The following DYNLT2 variants were observed in gnomAD, a reference collection of about 807,000 sequenced individuals.
The protein encoded by DYNLT2 is dynein light chain Tctex-type protein 2.
A neutral mutation model predicts 24.3 loss-of-function variants in DYNLT2; 24 were observed. The ratio of observed to expected loss-of-function variants is 0.99; its 90% CI spans 0.71 to 1.39. DYNLT2 has a LOEUF of 1.39. Ranked by LOEUF, DYNLT2 falls within the 40% of genes most tolerant of loss-of-function variation. DYNLT2 has a pLI of 0.00. For synonymous variants in DYNLT2, 85 were observed against 85.4 expected (o/e 1.00, Z 0.03); for missense variants, 246 against 234.5 (o/e 1.05, Z -0.32).
At chr6:169,734,419 T>C in the DYNLT2 span, among the ~76,000 whole-genome samples, 1 of 152,188 alleles carries the variant, frequency 6.6e-6, no homozygotes, top group Non-Finnish European at 1.5e-5. Flanking sequence ...TGGCTGTGGT[T>C]TTGTCATAAA....
At chr6:169,728,140 A>G in the DYNLT2 span, among the ~76,000 whole-genome samples, 4 of 152,214 alleles carry the variant, frequency 2.6e-5, no homozygotes, top group South Asian at 8.3e-4. Flanking sequence ...AATGGGGTTC[A>G]TTCAGGAAGG....
intron 1 of DYNLT2, among the ~76,000 whole-genome samples, chr6:169,746,936 A>C (rs1299763615): frequency 1.3e-5 from 2 of 149,982 alleles, no homozygotes; most frequent in Non-Finnish European, 3.0e-5. Flanking sequence ...CACAGAGCAA[A>C]CTGCTGCTTG....
At chr6:169,729,248 G>T in the DYNLT2 span, among the ~76,000 whole-genome samples, 1 of 152,114 alleles carries the variant, frequency 6.6e-6, no homozygotes, top group African/African-American at 2.4e-5. Context: ...AACTTACCTT[G>T]TTTTTTCTAC....
At chr6:169,740,556 G>T (rs1470319106) in intron 3 of DYNLT2, among the ~76,000 whole-genome samples, 2 of 152,110 alleles carry the variant, frequency 1.3e-5, no homozygotes, top group Non-Finnish European at 2.9e-5. Flanking sequence ...GGAGCAGAAG[G>T]CCCCTGGGAA....
chr6:169,739,548 T>G (rs540262184), downstream of DYNLT2, among the ~76,000 whole-genome samples: 2 of 152,222 alleles, frequency 1.3e-5, no homozygotes, highest in Admixed American at 1.3e-4. Flanking sequence ...GAAATAAAAT[T>G]TTCCTCATTT....
chr6:169,729,925 A>T, the DYNLT2 span, among the ~76,000 whole-genome samples: 2 of 152,150 alleles, frequency 1.3e-5, no homozygotes, highest in African/African-American at 4.8e-5. Flanking sequence ...TATTTGTTTA[A>T]GCAACCCAGT....
chr6:169,751,334 C>T lies in DYNLT2; in HGVS notation c.120+5G>A. ...TCTCGGGCCCCTAGCAGTCTCCGCA[C>T]TCACTGCCTCCTTCTCGAACATGCT... On this transcript the variant is annotated splice_donor_5th_base_variant and intron_variant, in intron 1 of 3. Transcript: ENST00000366774. 6.2e-7 allele frequency: 1 copy of T among 1,613,454 alleles called. No homozygotes were observed. The highest frequency in any genetic ancestry group is 8.5e-7 in the Non-Finnish European group (1 of 1,179,744).
In DYNLT2 at chr6:169,751,558, C is replaced by A. The variant is rs1025109634; in HGVS notation, c.-100G>T. On this transcript the variant is annotated 5_prime_UTR_variant, in exon 1 of 4. Transcript: ENST00000366774. ...GGGCGGAAGTCTCCCACCTGCGCCT[C>A]GTACGGTAGGAAGTGCCCGCCAGGG... is the stretch of plus-strand genomic sequence containing the variant. 63 of 1,609,876 alleles carry A rather than the reference C, an allele frequency of 3.9e-5. No individual in the cohort carries two copies. Among genetic ancestry groups the A allele is most frequent in the Admixed American group, 2.4e-4 (14 of 59,288 alleles).
intron 1 of DYNLT2, among the ~76,000 whole-genome samples, chr6:169,747,987 C>T (rs1789848465): frequency 1.3e-5 from 2 of 152,312 alleles, no homozygotes; most frequent in Non-Finnish European, 2.9e-5. Flanking sequence ...GATCAGAGAA[C>T]TTGTTCTCTA....
Position 169,751,554 on chromosome 6 carries a change from GC to G in DYNLT2, c.-97del. The G allele has an allele frequency of 1.9e-6, 3 of 1,610,296 alleles. No homozygotes were observed. In the South Asian group the frequency reaches 3.3e-5, roughly 18 times the overall value. On this transcript the variant is annotated 5_prime_UTR_variant, in exon 1 of 4. Transcript: ENST00000366774. ...GCGAGGGCGGAAGTCTCCCACCTGC[GC>G]CTCGTACGGTAGGAAGTGCCCGCCA...
intron 1 of DYNLT2, among the ~76,000 whole-genome samples, chr6:169,747,522 A>T (rs970693657): frequency 1.3e-5 from 2 of 152,076 alleles, no homozygotes; most frequent in African/African-American, 4.8e-5. Context: ...CCACATCTCT[A>T]AATGTCCTTT....
the DYNLT2 span, among the ~76,000 whole-genome samples, chr6:169,734,924 T>G: frequency 6.6e-6 from 1 of 152,160 alleles, no homozygotes; most frequent in Non-Finnish European, 1.5e-5. Context: ...GCCCTGGGCT[T>G]TTTTTGGTTG....
At chr6:169,745,124 G>C (rs1486679643) in intron 1 of DYNLT2, among the ~76,000 whole-genome samples, 1 of 150,884 alleles carries the variant, frequency 6.6e-6, no homozygotes, top group East Asian at 2.0e-4. Context: ...AGACAGTCTT[G>C]CTCAGTCGCC....
chr6:169,728,133 G>A, the DYNLT2 span, among the ~76,000 whole-genome samples: 3 of 152,204 alleles, frequency 2.0e-5, no homozygotes, highest in African/African-American at 7.2e-5. Flanking sequence ...AGTGGATAAT[G>A]GGGTTCATTC....
the DYNLT2 span, among the ~76,000 whole-genome samples, chr6:169,728,241 A>C: frequency 6.6e-6 from 1 of 152,222 alleles, no homozygotes; most frequent in African/African-American, 2.4e-5. Flanking sequence ...TAAGCTGGAC[A>C]AGGTAGGAAA....
At chr6:169,732,317 C>A in the DYNLT2 span, among the ~76,000 whole-genome samples, 1 of 152,084 alleles carries the variant, frequency 6.6e-6, no homozygotes, top group Non-Finnish European at 1.5e-5. Flanking sequence ...ATCAAAATAT[C>A]TTTTTATTTC....
In DYNLT2 at chr6:169,743,151, C is replaced by A. The variant is rs772906220; in HGVS notation, c.415G>T (p.Glu139Ter). ...AACTTATAACGGTGGTACCCAAATT[C>A]TTTGACTGCTAACAGTATGCGGTCT... is the stretch of plus-strand genomic sequence containing the variant. ...LADRILLAVKEFGYHRYKFII... is the reference protein window; with the variant it reads ...LADRILLAVK Residue 139 changes from glutamate (E) to a stop codon, truncating the protein, a stop_gained, in exon 3 of 4, where the codon GAA becomes TAA. Transcript: ENST00000366774. LOFTEE classifies it high-confidence loss of function. The A allele has an allele frequency of 3.2e-6, 5 of 1,579,754 alleles. No homozygotes were observed. Among genetic ancestry groups the A allele is most frequent in the Non-Finnish European group, 3.5e-6 (4 of 1,157,494 alleles).
chr6:169,729,086 C>T, the DYNLT2 span, among the ~76,000 whole-genome samples: 1 of 152,126 alleles, frequency 6.6e-6, no homozygotes, highest in African/African-American at 2.4e-5. Flanking sequence ...ACAAGACAAC[C>T]AACTTCAACA....
At chr6:169,746,544 T>C (rs1789803769) in intron 1 of DYNLT2, among the ~76,000 whole-genome samples, 1 of 152,214 alleles carries the variant, frequency 6.6e-6, no homozygotes, top group South Asian at 2.1e-4. Flanking sequence ...CTTACATTGC[T>C]CATCCGTTCT....
Sources: gnomAD v4.1 joint callset for allele counts (sites outside exome capture counted in the v4.1 genomes callset) on GRCh38, gnomAD v4.1.1 for gene constraint, MANE v1.5 for transcripts, NCBI Gene and HGNC (gene_info 2026-07-23, HGNC 2026-07-21) for gene names.